The following CDH23 variants were observed in gnomAD, a reference collection of about 807,000 sequenced individuals.
The protein encoded by CDH23 is cadherin related 23.
CDH23 carries 189 observed loss-of-function variants against 317.1 expected under a neutral mutation model. That is an observed-to-expected ratio of 0.60 (90% confidence interval 0.53 to 0.67). The LOEUF (loss-of-function observed/expected upper bound fraction) is 0.67, where lower values mean the gene tolerates loss of function less well. Among genes scored for constraint, CDH23 ranks in the 30% least tolerant of loss-of-function variants. The pLI is 0.00. For missense variants in CDH23, 4,401 were observed against 4,592.4 expected (o/e 0.96, Z 1.20); for synonymous variants, 1,839 against 1,876.8 (o/e 0.98, Z 0.52).
At chr10:71,589,699 C>G (rs540726496) in intron 9 of CDH23, among the ~76,000 whole-genome samples, 2 of 152,192 alleles carry the variant, frequency 1.3e-5, no homozygotes, top group Non-Finnish European at 2.9e-5. Context: ...GGTTGCCACC[C>G]GCAGGGTAGG....
intron 26 of CDH23, among the ~76,000 whole-genome samples, chr10:71,707,719 G>C (rs1453714649): frequency 6.6e-6 from 1 of 152,162 alleles, no homozygotes; most frequent in Non-Finnish European, 1.5e-5. Context: ...TGGGACACAT[G>C]GGGGTGCAGT....
At chr10:71,753,820 C>A in intron 38 of CDH23, 1 of 456,492 alleles carries the variant, frequency 2.2e-6, no homozygotes, top group Non-Finnish European at 4.4e-6. Flanking sequence ...GGAAGTTACC[C>A]AAAAGTTCCT....
At chr10:71,460,147 G>GTCTC (rs1215043057) in intron 3 of CDH23, among the ~76,000 whole-genome samples, 3 of 152,058 alleles carry the variant, frequency 2.0e-5, no homozygotes, top group African/African-American at 7.2e-5. Flanking sequence ...AAGCCCACAT[G>GTCTC]TCTCTCTCTC....
chr10:71,566,943 C>G lies in CDH23; in HGVS notation c.624+7C>G, dbSNP rs1256999616. 3.7e-6 allele frequency: 6 copies of G among 1,610,066 alleles called. No individual in the cohort carries two copies. Among genetic ancestry groups the G allele is most frequent in the Non-Finnish European group, 4.2e-6 (5 of 1,179,316 alleles). The stretch of plus-strand genomic sequence containing the variant: ...GCTCACGGTCAACGCCACAGTGAGT[C>G]TCCATGCTGGGGCCCCGGCCGTCCC... On this transcript the variant is annotated splice_region_variant and intron_variant, in intron 7 of 69. Transcript: ENST00000224721.
At position 71,814,972 on chromosome 10, in the gene CDH23, C is replaced by G; in HGVS notation, c.9759C>G (p.Asp3253Glu). 1 of 1,611,896 alleles carries G rather than the reference C, an allele frequency of 6.2e-7. No individual in the cohort carries two copies. Residue 3253 changes from aspartate to glutamate, a missense_variant, in exon 70 of 70, where the codon GAC becomes GAG. Asp to Glu is a conservative substitution (Grantham distance 45). Transcript: ENST00000224721. The stretch of plus-strand genomic sequence containing the variant: ...TGCAGCTGATACAGACTGAGCTGGA[C>G]GAGGAGCCAGGAGACCACAGCCCAG... ...SISELIQTEL[D>E]EEPGDHSPGQ...
intron 6 of CDH23, among the ~76,000 whole-genome samples, chr10:71,545,007 C>T (rs1334994371): frequency 2.0e-5 from 3 of 152,154 alleles, no homozygotes; most frequent in Non-Finnish European, 4.4e-5. Flanking sequence ...CCGACCCCAA[C>T]CCCTGGTGAC....
intron 14 of CDH23, among the ~76,000 whole-genome samples, chr10:71,660,293 A>G (rs1402946433): frequency 6.6e-6 from 1 of 152,180 alleles, no homozygotes. Flanking sequence ...TACTTGTATC[A>G]ACAATGAGCC....
At chr10:71,806,352 C>A in intron 57 of CDH23, 71 bp downstream of exon 57, 1 of 1,017,532 alleles carries the variant, frequency 9.8e-7, no homozygotes, top group Non-Finnish European at 1.5e-6. Flanking sequence ...ACACACTCTC[C>A]TATATACACT....
At chr10:71,688,255 G>A (rs548000744) in intron 19 of CDH23, among the ~76,000 whole-genome samples, 1 of 152,342 alleles carries the variant, frequency 6.6e-6, no homozygotes, top group Non-Finnish European at 1.5e-5. Context: ...CCTTGAGGCA[G>A]GCTGGCAGCT....
chr10:71,708,618 A>G (rs577248496), intron 26 of CDH23, among the ~76,000 whole-genome samples: 1 of 152,148 alleles, frequency 6.6e-6, no homozygotes, highest in South Asian at 2.1e-4. Flanking sequence ...TCCTCAGCCC[A>G]TCTCACCTCC....
chr10:71,766,559 A>C (rs1356852069), intron 38 of CDH23, among the ~76,000 whole-genome samples: 1 of 152,178 alleles, frequency 6.6e-6, no homozygotes, highest in Admixed American at 6.5e-5. Context: ...CCGTTTCTTC[A>C]TCTTAACCTG....
At chr10:71,808,078 G>A in intron 60 of CDH23, 71 bp downstream of exon 60, 1 of 1,534,528 alleles carries the variant, frequency 6.5e-7, no homozygotes, top group South Asian at 1.2e-5. Flanking sequence ...GTCATCTGGG[G>A]GGAGATGGGG....
At chr10:71,497,284 G>A (rs1014746487) in intron 3 of CDH23, among the ~76,000 whole-genome samples, 1 of 152,014 alleles carries the variant, frequency 6.6e-6, no homozygotes, top group African/African-American at 2.4e-5. Context: ...ACAATTCAAT[G>A]AATTGAAAAG....
At chr10:71,608,257 G>T (rs1860647673) in intron 9 of CDH23, among the ~76,000 whole-genome samples, 2 of 152,220 alleles carry the variant, frequency 1.3e-5, no homozygotes, top group African/African-American at 4.8e-5. Flanking sequence ...CCATTGGAAG[G>T]AATGGAAGCA....
chr10:71,805,858 A>C lies in CDH23; in HGVS notation c.7925A>C (p.Glu2642Ala), dbSNP rs1216402428. The change falls in exon 56 of 70, where the codon GAG becomes GCG. Residue 2642 changes from glutamate to alanine, a missense_variant. By Grantham distance (107) the Glu-to-Ala change is moderately radical (BLOSUM62 -1). Transcript: ENST00000224721. ...GAGGTCTACGCCACGGACAAGGATG[A>C]GGGCCTCAACGGGGCGGTGCGCTAC... Reference protein sequence around the residue: ...VYEVYATDKDEGLNGAVRYSF... With the variant: ...VYEVYATDKDAGLNGAVRYSF... 6.2e-7 allele frequency: 1 copy of C among 1,613,812 alleles called. No individual in the cohort carries two copies. Among genetic ancestry groups the C allele is most frequent in the Non-Finnish European group, 8.5e-7 (1 of 1,179,852 alleles).
In CDH23 at chr10:71,689,035, GGGGTGGT is replaced by G. The variant is rs1255971117; in HGVS notation, c.2059+1319_2059+1325del. Among the ~76,000 whole-genome samples, 7 of 90,500 alleles carry G rather than the reference GGGGTGGT, an allele frequency of 7.7e-5. 1 individual carries two copies. The highest frequency in any genetic ancestry group is 7.0e-4 in the East Asian group (2 of 2,866). The allele number at this position is 90,500 out of a possible 152,430, so 59.4% of individuals were successfully genotyped here. A position where few individuals can be genotyped will look rare whatever the true frequency, so the allele number is the denominator to read the frequency against. On this transcript the variant is annotated intron_variant, in intron 19 of 69. Coordinates refer to ENST00000224721, the MANE Select transcript of CDH23 (RefSeq NM_022124.6). ...GGTGGAGTCAGGGGTGGTGGAGTCA[GGGGTGGT>G]GGAGCCAGGGATGGTGGAGCCAGGG...
At chr10:71,790,197 C>A in intron 45 of CDH23, 91 bp from the exon 46 acceptor site, 2 of 1,523,280 alleles carry the variant, frequency 1.3e-6, no homozygotes, top group South Asian at 1.3e-5. Context: ...TCTCATCCAT[C>A]GTCAGCCATG....
At chr10:71,812,134 G>T in intron 66 of CDH23, 119 bp downstream of exon 66, 4 of 1,598,306 alleles carry the variant, frequency 2.5e-6, no homozygotes, top group Non-Finnish European at 3.4e-6. Flanking sequence ...GGCGCCCCCT[G>T]GTGGGCGGGC....
Position 71,807,877 on chromosome 10 carries a change from G to A in CDH23, c.8592G>A (p.Glu2864=). 6.2e-7 allele frequency: 1 copy of A among 1,603,952 alleles called. No individual in the cohort carries two copies. The highest frequency in any genetic ancestry group is 8.5e-7 in the Non-Finnish European group (1 of 1,175,252). ...CCACCGACGCCAAGGTGGGCTCAGA[G>A]TTGATCCAGGTGCTGGCCCTGGATG... ...GVATDAKVGS[E]LIQVLALDAD... is the part of the protein sequence containing the mutation. Residue 2864 remains glutamate (E), a synonymous_variant, in exon 60 of 70, where the codon GAG becomes GAA. Coordinates refer to ENST00000224721, the MANE Select transcript of CDH23 (RefSeq NM_022124.6).
Sources: gnomAD v4.1 joint callset for allele counts (sites outside exome capture counted in the v4.1 genomes callset) on GRCh38, gnomAD v4.1.1 for gene constraint, MANE v1.5 for transcripts, NCBI Gene and HGNC (gene_info 2026-07-23, HGNC 2026-07-21) for gene names.